MGLL: variants seen among roughly 807,000 people sequenced by gnomAD.
MGLL encodes the protein monoglyceride lipase, also known as lysophospholipase homolog.
Under a neutral mutation model 29.1 loss-of-function variants are expected in MGLL, and 7 were observed. That is an observed-to-expected ratio of 0.24 (90% CI 0.14 to 0.45). The LOEUF (loss-of-function observed/expected upper bound fraction) is 0.45. Among genes scored for constraint, MGLL ranks in the 20% least tolerant of loss-of-function variants. The pLI is 0.99. For synonymous variants in MGLL, 148 were observed against 168.3 expected, an observed-to-expected ratio of 0.88 and a Z score of 0.93; for missense variants, 356 against 413.6, an observed-to-expected ratio of 0.86 and a Z score of 1.21.
chr3:127,732,378 C>A (rs2076167397), intron 3 of MGLL, among the ~76,000 whole-genome samples: 1 of 152,134 alleles, frequency 6.6e-6, no homozygotes, highest in Non-Finnish European at 1.5e-5. Context: ...AGCGCTCAGC[C>A]CCCAGTAGGT....
At chr3:127,701,150 G>GGCTGCAGTGAGCTGAGATCACGCC (rs1461057616) in intron 6 of MGLL, among the ~76,000 whole-genome samples, 3 of 146,554 alleles carry the variant, frequency 2.0e-5, no homozygotes, top group African/African-American at 7.8e-5. Flanking sequence ...AAAAGGTGGA[G>GGCTGCAGTGAGCTGAGATCACGCC]GCTGCAGTGA....
intron 3 of MGLL, among the ~76,000 whole-genome samples, chr3:127,758,343 G>A (rs569200452): frequency 6.6e-6 from 1 of 152,230 alleles, no homozygotes; most frequent in Non-Finnish European, 1.5e-5. Flanking sequence ...TGTCTGCCAA[G>A]GGCAGGGACT....
rs1279394217 is a variant in MGLL at position 127,790,453 on chromosome 3, C to A, written c.156-8558G>T. Among the ~76,000 whole-genome samples, 3 of 152,120 alleles carry A rather than the reference C, an allele frequency of 2.0e-5. No homozygotes were observed. In the East Asian group the frequency reaches 5.8e-4, roughly 29 times the overall value. ...AGGGAGAGAGATCTGATTTGAAGACCTTTCTTAACCAGTACACTACATTGC... is the reference window on the plus strand; with the variant it reads ...AGGGAGAGAGATCTGATTTGAAGACATTTCTTAACCAGTACACTACATTGC... On this transcript the variant is annotated intron_variant, in intron 2 of 7. Coordinates refer to ENST00000265052, the MANE Select transcript of MGLL (RefSeq NM_007283.7).
chr3:127,695,170 G>A lies in MGLL; in HGVS notation c.621C>T (p.Asp207=), dbSNP rs1428301279. 27 of 1,614,008 alleles carry A rather than the reference G, an allele frequency of 1.7e-5. No individual in the cohort carries two copies. Among genetic ancestry groups the A allele is most frequent in the Non-Finnish European group, 2.3e-5 (27 of 1,180,034 alleles). ...NKTEVDIYNS[D]PLICRAGLKV... is the part of the protein sequence containing the mutation. ...TCAGCCCTGCCCGGCAGATCAGGGGGTCTGAGTTATAAATGTCGACCTGGA... is the reference window on the plus strand; with the variant it reads ...TCAGCCCTGCCCGGCAGATCAGGGGATCTGAGTTATAAATGTCGACCTGGA... Residue 207 remains aspartate, a synonymous_variant, in exon 7 of 8, where the codon GAC becomes GAT. Transcript: ENST00000265052.
rs548792951 is a variant in MGLL at position 127,818,679 on chromosome 3, T to C, written c.155+3015A>G. On this transcript the variant is annotated intron_variant, in intron 2 of 7. Transcript: ENST00000265052. ...CTGCTTGGTGGTGTAAGGAGAACAATTGGATTTGGTCCATGTCAGAAGATT... is the reference window on the plus strand; with the variant it reads ...CTGCTTGGTGGTGTAAGGAGAACAACTGGATTTGGTCCATGTCAGAAGATT... Among the ~76,000 whole-genome samples, 14 of 152,320 alleles carry C rather than the reference T, an allele frequency of 9.2e-5. No homozygotes were observed. In the South Asian group the frequency reaches 2.7e-3, roughly 29 times the overall value.
intron 6 of MGLL, among the ~76,000 whole-genome samples, chr3:127,704,442 A>G (rs1489003974): frequency 3.3e-5 from 5 of 152,260 alleles, no homozygotes; most frequent in Non-Finnish European, 5.9e-5. Context: ...AGAAACTATC[A>G]TTAGAGTGAA....
At chr3:127,799,713 C>G (rs1021391650) in intron 2 of MGLL, among the ~76,000 whole-genome samples, 1 of 152,186 alleles carries the variant, frequency 6.6e-6, no homozygotes, top group Non-Finnish European at 1.5e-5. Context: ...ATCTTGGCAG[C>G]CCCCAAGCAG....
intron 3 of MGLL, among the ~76,000 whole-genome samples, chr3:127,747,452 C>G (rs755923937): frequency 2.0e-5 from 3 of 152,230 alleles, no homozygotes; most frequent in Non-Finnish European, 4.4e-5. Flanking sequence ...ACTGTGTGCT[C>G]CTTAGGGGCA....
chr3:127,694,317 G>GTATATA (rs1269168907), intron 7 of MGLL, among the ~76,000 whole-genome samples: 21 of 92,210 alleles, frequency 2.3e-4, no homozygotes, highest in Admixed American at 1.0e-3. Flanking sequence ...ATGTATGTGT[G>GTATATA]TATATATATA....
At position 127,780,846 on chromosome 3, in the gene MGLL, A is replaced by G. The variant is rs148668586; in HGVS notation, c.262+943T>C. On this transcript the variant is annotated intron_variant, in intron 3 of 7. Transcript: ENST00000265052. ...GCAACATTTCTGGATCTGGGCCACA[A>G]TGATAGAATTTTACATTGAAGCTGT... is the stretch of plus-strand genomic sequence containing the variant. Among the ~76,000 whole-genome samples, 865 of 152,354 alleles carry G rather than the reference A, an allele frequency of 5.7e-3. 5 individuals are homozygous for G. The highest frequency in any genetic ancestry group is 0.019 in the African/African-American group (800 of 41,588).
chr3:127,792,824 A>G (rs1427589508), intron 2 of MGLL, among the ~76,000 whole-genome samples: 1 of 152,218 alleles, frequency 6.6e-6, no homozygotes, highest in Non-Finnish European at 1.5e-5. Context: ...TTCCTCAGTC[A>G]AGCCACTGGA....
intron 5 of MGLL, chr3:127,712,432 A>T (rs2075734434): frequency 6.6e-6 from 1 of 152,278 alleles, no homozygotes; most frequent in African/African-American, 2.4e-5. Context: ...TTTCTCCTAA[A>T]GGGCTTTGTT....
chr3:127,769,334 C>T (rs371266841), intron 3 of MGLL, among the ~76,000 whole-genome samples: 3 of 146,168 alleles, frequency 2.1e-5, no homozygotes, highest in East Asian at 4.0e-4. Flanking sequence ...CTGGGCAACA[C>T]AGCAAGACTC....
intron 2 of MGLL, among the ~76,000 whole-genome samples, chr3:127,818,317 G>A (rs2077795518): frequency 6.6e-6 from 1 of 152,108 alleles, no homozygotes; most frequent in East Asian, 1.9e-4. Context: ...TCAGGCAAGG[G>A]CATAAATTCT....
At chr3:127,732,817 C>T (rs990114780) in intron 3 of MGLL, among the ~76,000 whole-genome samples, 14 of 152,180 alleles carry the variant, frequency 9.2e-5, no homozygotes, top group African/African-American at 3.4e-4. Flanking sequence ...CAGCCAATGT[C>T]CACTGGAGAC....
chr3:127,775,818 G>A (rs987039303), intron 3 of MGLL, among the ~76,000 whole-genome samples: 1 of 152,308 alleles, frequency 6.6e-6, no homozygotes, highest in South Asian at 2.1e-4. Context: ...AGGCCTGCGG[G>A]CAAATGGGCC....
chr3:127,780,719 C>G (rs2077110045), intron 3 of MGLL, among the ~76,000 whole-genome samples: 1 of 152,194 alleles, frequency 6.6e-6, no homozygotes. Flanking sequence ...TAAGGCTTTC[C>G]CGCATTTACA....
intron 3 of MGLL, among the ~76,000 whole-genome samples, chr3:127,752,337 G>C (rs2076575266): frequency 6.6e-6 from 1 of 152,158 alleles, no homozygotes; most frequent in Non-Finnish European, 1.5e-5. Context: ...GACCTCAAGT[G>C]ATCCACCCAC....
intron 5 of MGLL, among the ~76,000 whole-genome samples, chr3:127,717,815 G>A (rs943999925): frequency 6.6e-6 from 1 of 152,132 alleles, no homozygotes; most frequent in Non-Finnish European, 1.5e-5. Flanking sequence ...GGGAAATCCC[G>A]AGGGGCACCT....
Sources: allele counts gnomAD v4.1 joint callset (sites outside exome capture counted in the v4.1 genomes callset), GRCh38; gene constraint gnomAD v4.1.1; transcripts MANE v1.5; gene names NCBI Gene and HGNC (gene_info 2026-07-23, HGNC 2026-07-21).